The following KIAA1217 variants were observed in gnomAD, a reference collection of about 807,000 sequenced individuals.
KIAA1217 encodes the protein sickle tail protein homolog.
In KIAA1217, 88 loss-of-function variants were observed where a neutral mutation model predicts 163.9. The ratio of observed to expected loss-of-function variants is 0.54; its 90% CI spans 0.45 to 0.64. The LOEUF is 0.64. KIAA1217 is among the 30% of genes least tolerant of loss of function. The pLI is 0.00. For synonymous variants in KIAA1217, 903 were observed against 923.1 expected, an observed-to-expected ratio of 0.98 and a Z score of 0.39; for missense variants, 2,372 against 2,475.0, an observed-to-expected ratio of 0.96 and a Z score of 0.88.
At chr10:24,021,619 A>G (rs1847736106) in intron 2 of KIAA1217, among the ~76,000 whole-genome samples, 1 of 151,978 alleles carries the variant, frequency 6.6e-6, no homozygotes, top group East Asian at 1.9e-4. Flanking sequence ...TGAAAGGCAA[A>G]AGATACAAAT....
At chr10:24,004,852 A>G (rs1846920921) in intron 1 of KIAA1217, among the ~76,000 whole-genome samples, 1 of 152,252 alleles carries the variant, frequency 6.6e-6, no homozygotes, top group Admixed American at 6.5e-5. Flanking sequence ...GAACAGGGAT[A>G]GAATTGGGCC....
intron 2 of KIAA1217, among the ~76,000 whole-genome samples, chr10:24,319,375 CAAAAAAAAA>C (rs34410717): frequency 1.3e-3 from 61 of 45,838 alleles, no homozygotes; most frequent in African/African-American, 3.6e-3. Context: ...GACGTTGTCT[CAAAAAAAAA>C]AAAAAAAAAA....
At chr10:24,405,335 G>A (rs1427825788) in intron 3 of KIAA1217, among the ~76,000 whole-genome samples, 2 of 151,968 alleles carry the variant, frequency 1.3e-5, no homozygotes, top group Non-Finnish European at 2.9e-5. Flanking sequence ...TCTCTAAGAA[G>A]GATAATAAAC....
At chr10:23,968,158 G>A (rs534199815) in intron 1 of KIAA1217, among the ~76,000 whole-genome samples, 46 of 152,080 alleles carry the variant, frequency 3.0e-4, no homozygotes, top group Non-Finnish European at 4.9e-4. Flanking sequence ...GTGTGTGTGT[G>A]TATATTTATA....
At chr10:24,376,076 A>G (rs1056202081) in intron 2 of KIAA1217, among the ~76,000 whole-genome samples, 4 of 152,246 alleles carry the variant, frequency 2.6e-5, no homozygotes, top group African/African-American at 9.6e-5. Flanking sequence ...CTTGGTGAAC[A>G]TTTCAGCAAA....
At chr10:24,423,705 A>C (rs1338536720) in intron 3 of KIAA1217, among the ~76,000 whole-genome samples, 1 of 152,020 alleles carries the variant, frequency 6.6e-6, no homozygotes, top group Non-Finnish European at 1.5e-5. Context: ...TGATCTGCCC[A>C]CCTCAGTTTT....
At chr10:23,995,628 G>A (rs11013836) in intron 1 of KIAA1217, among the ~76,000 whole-genome samples, 43,593 of 151,988 alleles carry the variant, frequency 0.29, 7,031 homozygotes, top group East Asian at 0.4. Flanking sequence ...AGATACCCGG[G>A]AATAGATACA....
At position 24,368,671 on chromosome 10, in the gene KIAA1217, T is replaced by C. The variant is rs903876297; in HGVS notation, c.355-12198T>C. ...TGTCAAATTCTGTTTTGAAATTGGA[T>C]GTAACTATTTACCTATCTCACAAGA... On this transcript the variant is annotated intron_variant, in intron 2 of 20. Transcript: ENST00000376454. Among the ~76,000 whole-genome samples the C allele has an allele frequency of 5.3e-5, 8 of 152,290 alleles. 1 individual carries two copies. In the South Asian group the frequency reaches 1.5e-3, roughly 28 times the overall value.
intron 1 of KIAA1217, among the ~76,000 whole-genome samples, chr10:23,907,219 CCTT>C (rs1842197291): frequency 6.6e-6 from 1 of 151,834 alleles, no homozygotes; most frequent in South Asian, 2.1e-4. Context: ...TTACCTCTTT[CCTT>C]CTTTTCTTCA....
chr10:24,333,943 CT>C (rs1421244273), intron 2 of KIAA1217, among the ~76,000 whole-genome samples: 2 of 152,172 alleles, frequency 1.3e-5, no homozygotes, highest in African/African-American at 4.8e-5. Flanking sequence ...TGCTGACCAA[CT>C]AAGAGGGCAA....
chr10:24,477,408 A>G (rs1201817626), intron 6 of KIAA1217, among the ~76,000 whole-genome samples: 1 of 152,244 alleles, frequency 6.6e-6, no homozygotes, highest in East Asian at 1.9e-4. Context: ...AGTAGGTGGC[A>G]TAAAATGTCC....
At chr10:23,989,216 C>A (rs1277336919) in intron 1 of KIAA1217, among the ~76,000 whole-genome samples, 1 of 152,102 alleles carries the variant, frequency 6.6e-6, no homozygotes, top group Non-Finnish European at 1.5e-5. Flanking sequence ...GGAGAAATGT[C>A]TTTTCCTCAC....
At chr10:24,353,752 T>G (rs762619653) in intron 2 of KIAA1217, among the ~76,000 whole-genome samples, 9 of 152,208 alleles carry the variant, frequency 5.9e-5, no homozygotes, top group Non-Finnish European at 1.3e-4. Context: ...CTTTTTAGAG[T>G]GGAATTGTTA....
intron 1 of KIAA1217, among the ~76,000 whole-genome samples, chr10:23,776,062 G>A (rs7898400): frequency 0.019 from 2,891 of 152,158 alleles, 95 homozygotes; most frequent in African/African-American, 0.066. Context: ...AAATTATAGG[G>A]CAGGTCATGT....
rs55881849 is a variant in KIAA1217 at position 24,360,040 on chromosome 10, C to CATTTTTTTTTTTTTTTTTTT, written c.355-20829_355-20828insATTTTTTTTTTTTTTTTTTT. ...ACTGTGTATCTTTAGGATATAATTA[C>CATTTTTTTTTTTTTTTTTTT]TTTTTTTTTTTTTTTTTTTTTTTTG... On this transcript the variant is annotated intron_variant, in intron 2 of 20. Coordinates refer to ENST00000376454, the MANE Select transcript of KIAA1217 (RefSeq NM_019590.5). 5.3e-5 allele frequency among the ~76,000 whole-genome samples: 5 copies of CATTTTTTTTTTTTTTTTTTT among 94,282 alleles called. 2 individuals are homozygous for CATTTTTTTTTTTTTTTTTTT. 61.9% of individuals were successfully genotyped at this position (94,282 alleles called of 152,430 possible).
At chr10:24,051,477 T>C (rs1177149146) in intron 2 of KIAA1217, among the ~76,000 whole-genome samples, 4 of 152,178 alleles carry the variant, frequency 2.6e-5, no homozygotes, top group Admixed American at 2.0e-4. Flanking sequence ...CTAAGGAATT[T>C]CTATGTTTTC....
chr10:24,408,065 G>A (rs2057400127), intron 3 of KIAA1217, among the ~76,000 whole-genome samples: 1 of 152,098 alleles, frequency 6.6e-6, no homozygotes, highest in Non-Finnish European at 1.5e-5. Context: ...CAGACAGCCT[G>A]GGATCATGTC....
rs527659192 is a variant in KIAA1217, at chr10:23,986,773, T to C, written c.-320-20452T>C. Among the ~76,000 whole-genome samples, 14 of 152,334 alleles carry C rather than the reference T, an allele frequency of 9.2e-5. No individual in the cohort carries two copies. The South Asian group carries it at 2.7e-3, about 29-fold the overall frequency. On this transcript the variant is annotated intron_variant, in intron 1 of 18. Coordinates refer to the KIAA1217 transcript ENST00000376462. Reference sequence around the variant, plus strand: ...TCTTCCTTTGAAAATATCTACAGACTGTTGCCTACACACGTTGTGCAGTGT... The same window carrying C: ...TCTTCCTTTGAAAATATCTACAGACCGTTGCCTACACACGTTGTGCAGTGT...
At chr10:24,103,625 G>GA (rs201537217) in intron 2 of KIAA1217, among the ~76,000 whole-genome samples, 2 of 151,928 alleles carry the variant, frequency 1.3e-5, no homozygotes, top group African/African-American at 2.4e-5. Flanking sequence ...TATACAGATA[G>GA]AAAAAAAGCA....
Sources: allele counts gnomAD v4.1 joint callset (sites outside exome capture counted in the v4.1 genomes callset), GRCh38; gene constraint gnomAD v4.1.1; transcripts MANE v1.5; gene names NCBI Gene and HGNC (gene_info 2026-07-23, HGNC 2026-07-21).